Variants in CTIF observed in about 807,000 individuals in gnomAD.
CTIF encodes the protein cap binding complex dependent translation initiation factor.
CTIF carries 21 observed loss-of-function variants against 66.0 expected under a neutral mutation model. The observed-to-expected ratio is 0.32, with a 90% confidence interval of 0.23 to 0.46. The LOEUF is 0.46. CTIF is among the 20% of genes least tolerant of loss of function. The probability of loss-of-function intolerance (pLI) is 1.00; values close to 1 mark genes in which losing one functional copy is unlikely to be tolerated. For synonymous variants in CTIF, 345 were observed against 326.4 expected (o/e 1.06, Z -0.62); for missense variants, 739 against 812.7 (o/e 0.91, Z 1.10).
At chr18:48,818,255 G>T (rs2068410844) in intron 10 of CTIF, among the ~76,000 whole-genome samples, 1 of 152,178 alleles carries the variant, frequency 6.6e-6, no homozygotes, top group African/African-American at 2.4e-5. Context: ...GCAAGAGGTT[G>T]GTGGCTTGGA....
At chr18:48,614,320 G>C (rs11660459) in intron 1 of CTIF, among the ~76,000 whole-genome samples, 1 of 152,008 alleles carries the variant, frequency 6.6e-6, no homozygotes, top group Non-Finnish European at 1.5e-5. Context: ...CTCCACACTC[G>C]TCTTGCCTTA....
At chr18:48,854,116 C>T (rs1315411082) in intron 10 of CTIF, among the ~76,000 whole-genome samples, 1 of 152,170 alleles carries the variant, frequency 6.6e-6, no homozygotes, top group East Asian at 1.9e-4. Context: ...GGTTAAAGGG[C>T]AGCAGAGATG....
intron 2 of CTIF, among the ~76,000 whole-genome samples, chr18:48,626,000 C>CTTTTTTTTTTTTTTTTTTTTTTTTT (rs74174709): frequency 1.8e-5 from 2 of 109,174 alleles, no homozygotes; most frequent in Non-Finnish European, 3.6e-5. Context: ...CTTTTTCTTT[C>CTTTTTTTTTTTTTTTTTTTTTTTTT]TTTTTTTTTT....
chr18:48,646,123 G>T (rs2091026579), intron 3 of CTIF, among the ~76,000 whole-genome samples: 1 of 152,144 alleles, frequency 6.6e-6, no homozygotes, highest in South Asian at 2.1e-4. Context: ...AGAGGATGAA[G>T]AGACAAGTTA....
Position 48,689,001 on chromosome 18 carries a change from C to A in CTIF, c.507+18257C>A, listed in dbSNP as rs560191780. ...CTAATGGCCGAGGTTCCCGGGGCCC[C>A]ACTCCTCAGCCCCGCCATGCCGGGG... On this transcript the variant is annotated intron_variant, in intron 6 of 11. Coordinates refer to ENST00000256413, the MANE Select transcript of CTIF (RefSeq NM_014772.3). Among the ~76,000 whole-genome samples, 8 of 152,356 alleles carry A rather than the reference C, an allele frequency of 5.3e-5. No homozygotes were observed. The East Asian group carries it at 1.2e-3, about 22-fold the overall frequency.
chr18:48,746,000 G>A (rs549365843), intron 7 of CTIF, among the ~76,000 whole-genome samples: 3 of 152,360 alleles, frequency 2.0e-5, no homozygotes, highest in East Asian at 1.9e-4. Context: ...AAGCGAACCT[G>A]TCAGTAATTA....
chr18:48,751,609 G>A (rs553033551), intron 7 of CTIF, among the ~76,000 whole-genome samples: 2 of 152,338 alleles, frequency 1.3e-5, no homozygotes, highest in East Asian at 1.9e-4. Context: ...TGGCAGAGAC[G>A]TGGGTGTGAT....
chr18:48,687,135 G>A (rs1004080459), intron 6 of CTIF, among the ~76,000 whole-genome samples: 7 of 152,086 alleles, frequency 4.6e-5, no homozygotes, highest in South Asian at 2.1e-4. Context: ...AGATGGTGTC[G>A]TGTGGGAGTC....
At chr18:48,686,409 A>C (rs1026709012) in intron 6 of CTIF, among the ~76,000 whole-genome samples, 19 of 152,154 alleles carry the variant, frequency 1.2e-4, no homozygotes, top group African/African-American at 4.6e-4. Context: ...TTCTGGGCTT[A>C]TCTGGTATTT....
At chr18:48,655,333 A>T (rs1475331114) in intron 3 of CTIF, among the ~76,000 whole-genome samples, 1 of 151,234 alleles carries the variant, frequency 6.6e-6, no homozygotes, top group African/African-American at 2.4e-5. Flanking sequence ...AGAATAAAAA[A>T]AGCCGGAGTG....
At position 48,571,313 on chromosome 18, in the gene CTIF, C is replaced by T. The variant is rs184294353; in HGVS notation, c.-29+32001C>T. 2.6e-4 allele frequency among the ~76,000 whole-genome samples: 40 copies of T among 152,230 alleles called. 1 individual carries two copies. The highest frequency in any genetic ancestry group is 8.7e-4 in the African/African-American group (36 of 41,546). On this transcript the variant is annotated intron_variant, in intron 1 of 11. Transcript: ENST00000256413. ...CTGGGATTACAGGCAGGCGCCACCA[C>T]GCCCGGCTAATTTTTGTATTTTTGG...
chr18:48,559,601 A>G (rs1019620569), intron 1 of CTIF, among the ~76,000 whole-genome samples: 2 of 152,240 alleles, frequency 1.3e-5, no homozygotes, highest in African/African-American at 4.8e-5. Flanking sequence ...TCCACATGGC[A>G]TCAGCTGGGC....
chr18:48,694,949 T>A (rs2091984244), intron 6 of CTIF, among the ~76,000 whole-genome samples: 1 of 152,250 alleles, frequency 6.6e-6, no homozygotes, highest in Non-Finnish European at 1.5e-5. Flanking sequence ...CATCTAATCT[T>A]TCTTCCTAAT....
At chr18:48,723,406 C>T (rs2092358959) in intron 7 of CTIF, among the ~76,000 whole-genome samples, 1 of 152,204 alleles carries the variant, frequency 6.6e-6, no homozygotes, top group South Asian at 2.1e-4. Context: ...CACCCACCCT[C>T]CCACCTTCTC....
chr18:48,764,458 T>G (rs564618475), intron 9 of CTIF, among the ~76,000 whole-genome samples: 170 of 152,276 alleles, frequency 1.1e-3, no homozygotes, highest in Non-Finnish European at 7.5e-4. Context: ...TCTGCACCTC[T>G]GTATCCCAGG....
chr18:48,590,224 C>T (rs953466959), intron 1 of CTIF, among the ~76,000 whole-genome samples: 2 of 152,260 alleles, frequency 1.3e-5, no homozygotes, highest in African/African-American at 2.4e-5. Context: ...GGAATCCAGC[C>T]TCAGCTGCTG....
intron 6 of CTIF, among the ~76,000 whole-genome samples, chr18:48,692,169 CT>C (rs2091936085): frequency 6.6e-6 from 1 of 152,096 alleles, no homozygotes; most frequent in South Asian, 2.1e-4. Context: ...CTAAATGAGA[CT>C]TAAGTTTTTA....
intron 7 of CTIF, among the ~76,000 whole-genome samples, chr18:48,742,625 C>T (rs1230448034): frequency 6.6e-6 from 1 of 152,246 alleles, no homozygotes; most frequent in African/African-American, 2.4e-5. Flanking sequence ...TGCTCTGTGT[C>T]AGAGCCAAGG....
At chr18:48,739,295 G>A (rs2092533599) in intron 7 of CTIF, among the ~76,000 whole-genome samples, 1 of 152,232 alleles carries the variant, frequency 6.6e-6, no homozygotes, top group African/African-American at 2.4e-5. Flanking sequence ...AAACTGGGGT[G>A]TCAGAAGGAC....
Sources: allele counts gnomAD v4.1 joint callset (sites outside exome capture counted in the v4.1 genomes callset), GRCh38; gene constraint gnomAD v4.1.1; transcripts MANE v1.5; gene names NCBI Gene and HGNC (gene_info 2026-07-23, HGNC 2026-07-21).